The following VEGFC variants were observed in gnomAD, a reference collection of about 807,000 sequenced individuals.
VEGFC encodes FLT4 ligand DHM.
Under a neutral mutation model 46.1 loss-of-function variants are expected in VEGFC, and 12 were observed. That is an observed-to-expected ratio of 0.26 (90% CI 0.17 to 0.42). The LOEUF (loss-of-function observed/expected upper bound fraction) is 0.42. Ranked by LOEUF, VEGFC falls within the 10% of genes least tolerant of loss-of-function variation. The probability of loss-of-function intolerance (pLI) is 1.00; values close to 1 mark genes in which losing one functional copy is unlikely to be tolerated. For synonymous variants in VEGFC, 232 were observed against 195.5 expected (o/e 1.19, Z -1.56); for missense variants, 488 against 529.4 (o/e 0.92, Z 0.77).
intron 1 of VEGFC, among the ~76,000 whole-genome samples, chr4:176,746,307 G>C (rs1315611325): frequency 6.6e-6 from 1 of 151,858 alleles, no homozygotes; most frequent in African/African-American, 2.4e-5. Context: ...ACCTTTATGA[G>C]AATTCTAAAC....
intron 1 of VEGFC, among the ~76,000 whole-genome samples, chr4:176,740,371 T>C (rs1285840678): frequency 5.7e-5 from 7 of 122,380 alleles, no homozygotes; most frequent in Admixed American, 2.8e-4. Context: ...ATATATTCTA[T>C]ATATAGTTAT....
intron 2 of VEGFC, 42 bp downstream of exon 2, chr4:176,729,491 T>A (rs1734925279): frequency 1.6e-5 from 25 of 1,546,702 alleles, no homozygotes; most frequent in Non-Finnish European, 2.1e-5. Flanking sequence ...TCTACTGGTT[T>A]GATATATAAG....
At chr4:176,740,129 G>A (rs1465505809) in intron 1 of VEGFC, among the ~76,000 whole-genome samples, 1 of 116,900 alleles carries the variant, frequency 8.6e-6, no homozygotes, top group African/African-American at 3.3e-5. Flanking sequence ...TCTATATATA[G>A]AATATATAAC....
At chr4:176,756,987 A>G (rs1413499424) in intron 1 of VEGFC, among the ~76,000 whole-genome samples, 3 of 152,060 alleles carry the variant, frequency 2.0e-5, no homozygotes, top group Non-Finnish European at 4.4e-5. Context: ...TAGATTGGTT[A>G]TATGAATTAC....
At chr4:176,756,920 A>C (rs1256403982) in intron 1 of VEGFC, among the ~76,000 whole-genome samples, 1 of 152,070 alleles carries the variant, frequency 6.6e-6, no homozygotes, top group Non-Finnish European at 1.5e-5. Context: ...TTGACTTCCT[A>C]ATAGATTGCT....
intron 1 of VEGFC, among the ~76,000 whole-genome samples, chr4:176,779,401 GT>G (rs1024721801): frequency 5.3e-5 from 8 of 152,106 alleles, no homozygotes; most frequent in Non-Finnish European, 1.2e-4. Flanking sequence ...ATTGGAAGAA[GT>G]TTTTTTCTGG....
rs994944760 is a variant in VEGFC at position 176,792,328 on chromosome 4, G to C, written c.-17C>G. 21 of 1,476,132 alleles carry C rather than the reference G, an allele frequency of 1.4e-5. No homozygotes were observed. Among genetic ancestry groups the C allele is most frequent in the Non-Finnish European group, 2.7e-6 (3 of 1,116,382 alleles). 91.4% of individuals were successfully genotyped at this position (1,476,132 alleles called of 1,614,324 possible). ...CAAGTGCATGGTGGAAGGACCGGGG[G>C]TGGGGGACCGGTCCGCTGGCGGGGG... is the stretch of plus-strand genomic sequence containing the variant. On this transcript the variant is annotated 5_prime_UTR_variant, in exon 1 of 7. Coordinates refer to ENST00000618562, the MANE Select transcript of VEGFC (RefSeq NM_005429.5). The surrounding 1 kb of genome is among the most constrained non-coding windows in gnomAD (Gnocchi z 6.3).
At chr4:176,742,289 T>A (rs560119628) in intron 1 of VEGFC, among the ~76,000 whole-genome samples, 1 of 152,198 alleles carries the variant, frequency 6.6e-6, no homozygotes, top group African/African-American at 2.4e-5. Flanking sequence ...ACGCATAGTA[T>A]TCCATGGTGT....
chr4:176,742,723 T>C lies in VEGFC; in HGVS notation c.148-12977A>G, dbSNP rs140619236. 8.5e-5 allele frequency among the ~76,000 whole-genome samples: 13 copies of C among 152,146 alleles called. No individual in the cohort carries two copies. The East Asian group carries it at 2.5e-3, about 29-fold the overall frequency. On this transcript the variant is annotated intron_variant, in intron 1 of 6. Transcript: ENST00000618562. ...TTTCAAAATGGCATATCACCATCTT[T>C]ATACATTTTCTTAACACTAACTTGT...
chr4:176,752,513 T>C (rs1202002881), intron 1 of VEGFC, among the ~76,000 whole-genome samples: 2 of 152,062 alleles, frequency 1.3e-5, no homozygotes, highest in Admixed American at 6.6e-5. Flanking sequence ...AGGGATAAGA[T>C]GCAAAGAGAA....
intron 1 of VEGFC, among the ~76,000 whole-genome samples, chr4:176,767,123 TAAAAAAAAAAA>T (rs70964805): frequency 4.0e-5 from 2 of 50,482 alleles, no homozygotes; most frequent in Non-Finnish European, 7.0e-5. Context: ...TGTAGAAATC[TAAAAAAAAAAA>T]AAAAAAAAAA....
chr4:176,725,195 G>A (rs765876050), intron 3 of VEGFC, among the ~76,000 whole-genome samples: 48 of 152,152 alleles, frequency 3.2e-4, no homozygotes, highest in South Asian at 1.0e-3. Flanking sequence ...AATATGTACA[G>A]CTATGATATG....
intron 1 of VEGFC, among the ~76,000 whole-genome samples, chr4:176,741,792 A>G (rs1735180178): frequency 6.6e-6 from 1 of 152,020 alleles, no homozygotes; most frequent in Non-Finnish European, 1.5e-5. Context: ...GTTTCTTGAC[A>G]TGTAACCAGA....
chr4:176,688,166 T>C (rs1003921637), intron 4 of VEGFC, among the ~76,000 whole-genome samples: 5 of 152,230 alleles, frequency 3.3e-5, no homozygotes, highest in Admixed American at 6.5e-5. Context: ...CTTTTATCTT[T>C]TTAAGGCAAA....
chr4:176,691,777 A>T (rs1209225858), intron 4 of VEGFC, among the ~76,000 whole-genome samples: 2 of 152,044 alleles, frequency 1.3e-5, no homozygotes, highest in African/African-American at 4.8e-5. Context: ...GGTAATAATT[A>T]CCAGCTCTTG....
intron 4 of VEGFC, among the ~76,000 whole-genome samples, chr4:176,690,423 C>G (rs1339738870): frequency 6.6e-6 from 1 of 151,702 alleles, no homozygotes; most frequent in African/African-American, 2.4e-5. Context: ...ACACAGATAG[C>G]ATCCGTTACA....
chr4:176,720,862 A>C (rs1419232928), intron 3 of VEGFC, among the ~76,000 whole-genome samples: 1 of 151,778 alleles, frequency 6.6e-6, no homozygotes, highest in East Asian at 1.9e-4. Context: ...AAAAAAAAAA[A>C]AACCTAGGGA....
intron 4 of VEGFC, among the ~76,000 whole-genome samples, chr4:176,694,398 C>G (rs1029604552): frequency 7.9e-5 from 12 of 152,066 alleles, no homozygotes; most frequent in Non-Finnish European, 1.6e-4. Context: ...ATTACATAAT[C>G]GTAAAGGGAT....
At chr4:176,746,340 C>T (rs1735257489) in intron 1 of VEGFC, among the ~76,000 whole-genome samples, 1 of 151,952 alleles carries the variant, frequency 6.6e-6, no homozygotes, top group Admixed American at 6.6e-5. Flanking sequence ...AAACACAGAG[C>T]TGGGCATTCT....
Sources: allele counts gnomAD v4.1 joint callset (sites outside exome capture counted in the v4.1 genomes callset), GRCh38; gene constraint gnomAD v4.1.1; non-coding constraint Gnocchi (gnomAD v3.1); transcripts MANE v1.5; gene names NCBI Gene and HGNC (gene_info 2026-07-23, HGNC 2026-07-21).